Variants in D2HGDH observed in about 807,000 individuals in gnomAD.
D2HGDH encodes D-2-hydroxyglutarate dehydrogenase, mitochondrial.
Under a neutral mutation model 46.9 loss-of-function variants are expected in D2HGDH, and 31 were observed. The observed-to-expected ratio is 0.66, with a 90% CI of 0.50 to 0.89. The LOEUF (loss-of-function observed/expected upper bound fraction) is 0.89, where lower values mean the gene tolerates loss of function less well. Among genes scored for constraint, D2HGDH ranks in the 40% least tolerant of loss-of-function variants. The probability of loss-of-function intolerance (pLI) is 0.00; values close to 1 mark genes in which losing one functional copy is unlikely to be tolerated. For missense variants in D2HGDH, 698 were observed against 720.8 expected (o/e 0.97, Z 0.36); for synonymous variants, 364 against 332.6 (o/e 1.09, Z -1.03).
In D2HGDH at chr2:241,743,698, G is replaced by A. The variant is rs140447217; in HGVS notation, c.567G>A (p.Pro189=). The A allele has an allele frequency of 8.0e-5, 129 of 1,613,944 alleles. No homozygotes were observed. Among genetic ancestry groups the A allele is most frequent in the South Asian group, 4.9e-4 (45 of 91,032 alleles). The change falls in exon 5 of 10, where the codon CCG becomes CCA. Residue 189 remains proline, a synonymous_variant. Transcript: ENST00000321264. This position sits in a 1 kb window ranked among gnomAD's most constrained non-coding sequence, Gnocchi z 4.8. ...TGGAGGAACGGGACTTCATCATGCC[G>A]CTGGACTTAGGAGCCAAGGGCAGCT... is the stretch of plus-strand genomic sequence containing the variant. The part of the protein sequence containing the change: ...RYVEERDFIM[P]LDLGAKGSCH...
chr2:241,735,061 C>G, intron 1 of D2HGDH, 72 bp from the exon 2 acceptor site: 4 of 797,374 alleles, frequency 5.0e-6, no homozygotes, highest in Non-Finnish European at 1.8e-6. Flanking sequence ...CCTGCCCCCT[C>G]CCTGCTTCTG....
At chr2:241,759,197 AC>A (rs1698507346) in intron 9 of D2HGDH, among the ~76,000 whole-genome samples, 1 of 152,142 alleles carries the variant, frequency 6.6e-6, no homozygotes, top group Non-Finnish European at 1.5e-5. Context: ...CAGTGTTTGT[AC>A]AGATCCATCA....
Position 241,755,926 on chromosome 2 carries a change from C to T in D2HGDH, c.1218C>T (p.Leu406=), listed in dbSNP as rs757000676. ...DGYVYKYDLS[L]PVERLYDIVT... is the part of the protein sequence containing the mutation. ...ACGTGTACAAGTACGACCTCTCCCT[C>T]CCTGTGGAGCGGCTCTACGACATCG... Residue 406 remains leucine (L), a synonymous_variant, in exon 9 of 10, where the codon CTC becomes CTT. Coordinates refer to ENST00000321264, the MANE Select transcript of D2HGDH (RefSeq NM_152783.5). The T allele has an allele frequency of 1.9e-6, 3 of 1,612,736 alleles. No homozygotes were observed. The highest frequency in any genetic ancestry group is 2.5e-6 in the Non-Finnish European group (3 of 1,179,384).
intron 2 of D2HGDH, among the ~76,000 whole-genome samples, chr2:241,739,077 C>T (rs113484019): frequency 1.1e-3 from 171 of 152,358 alleles, no homozygotes; most frequent in African/African-American, 3.8e-3. Context: ...GGCTGGGCCC[C>T]TGTGTCACCT....
At position 241,742,419 on chromosome 2, in the gene D2HGDH, C is replaced by T; in HGVS notation, c.351-16C>T. 3 of 1,603,064 alleles carry T rather than the reference C, an allele frequency of 1.9e-6. No homozygotes were observed. The highest frequency in any genetic ancestry group is 2.6e-6 in the Non-Finnish European group (3 of 1,174,564). ...GTGGGGACAGAGCCCCAACGTCCCT[C>T]CTGTCCTCATCCCAGGCACTGCCAC... is the stretch of plus-strand genomic sequence containing the variant. On this transcript the variant is annotated splice_polypyrimidine_tract_variant and intron_variant, in intron 3 of 9. Transcript: ENST00000321264. The surrounding 1 kb of genome is among the most constrained non-coding windows in gnomAD (Gnocchi z 4.8).
At chr2:241,735,052 C>T (rs1692377128) in intron 1 of D2HGDH, 81 bp from the exon 2 acceptor site, 2 of 743,536 alleles carry the variant, frequency 2.7e-6, no homozygotes, top group Non-Finnish European at 4.0e-6. Context: ...CGCTGCCCTC[C>T]TGCCCCCTCC....
Position 241,742,303 on chromosome 2 carries a change from C to A in D2HGDH, c.351-132C>A. The A allele has an allele frequency of 1.6e-6, 2 of 1,234,468 alleles. No individual in the cohort carries two copies. Among genetic ancestry groups the A allele is most frequent in the South Asian group, 1.5e-5 (1 of 66,316 alleles). The allele number at this position is 1,234,468 out of a possible 1,614,324, so 76.5% of individuals were successfully genotyped here. Reference sequence around the variant, plus strand: ...CTCACATGCGTGGGCTGGGGAGGAGCCCCCGCTGAGGCTGCAGGCAGGGCA... The same window carrying A: ...CTCACATGCGTGGGCTGGGGAGGAGACCCCGCTGAGGCTGCAGGCAGGGCA... On this transcript the variant is annotated intron_variant, in intron 3 of 9. Transcript: ENST00000321264. The surrounding 1 kb of genome is among the most constrained non-coding windows in gnomAD (Gnocchi z 4.8).
rs375720367 is a variant in D2HGDH at position 241,735,317 on chromosome 2, G to T, written c.93G>T (p.Leu31=). ...CTTGGGGTCGGCCGGTTGGCCCCCTGGCCCGCAGAGGCTGCTGCTCCGCCC... is the reference window on the plus strand; with the variant it reads ...CTTGGGGTCGGCCGGTTGGCCCCCTTGCCCGCAGAGGCTGCTGCTCCGCCC... ...AGSWGRPVGP[L]ARRGCCSAPG... Residue 31 remains leucine, a synonymous_variant, in exon 2 of 10, where the codon CTG becomes CTT. Coordinates refer to ENST00000321264, the MANE Select transcript of D2HGDH (RefSeq NM_152783.5). 130 of 1,538,860 alleles carry T rather than the reference G, an allele frequency of 8.4e-5. 1 individual carries two copies. The East Asian group carries it at 2.5e-3, about 29-fold the overall frequency.
At chr2:241,735,911 C>T (rs1488720565) in intron 2 of D2HGDH, 1 of 245,124 alleles carries the variant, frequency 4.1e-6, no homozygotes, top group Admixed American at 5.3e-5. Context: ...TACAGGCGCC[C>T]GCCACCACGT....
chr2:241,735,881 G>A (rs947190905), intron 2 of D2HGDH: 4 of 308,214 alleles, frequency 1.3e-5, no homozygotes, highest in Non-Finnish European at 1.2e-5. Flanking sequence ...GCCTGCCTCA[G>A]CCTCCCTAGT....
In D2HGDH at chr2:241,741,055, G is replaced by T; in HGVS notation, c.315G>T (p.Arg105Ser). The T allele has an allele frequency of 6.2e-7, 1 of 1,614,086 alleles. No homozygotes were observed. Residue 105 changes from arginine (R) to serine (S), a missense_variant, in exon 3 of 10, where the codon AGG (arginine) becomes AGT (serine). Arg to Ser is a moderately radical substitution (Grantham distance 110, BLOSUM62 -1). Transcript: ENST00000321264. ...TLRGCSKVLL[R>S]PRTSEEVSHI... ...CAGGCTGTAGCAAGGTGCTGCTGAG[G>T]CCACGGACGTCGGAGGAGGTGTCCC...
rs1694840074 is a variant in D2HGDH at position 241,742,806 on chromosome 2, T to C, written c.490+232T>C. ...CTGGTCCCTTCCGACTCCATCCCGC[T>C]CTAGAGGTGTGTGAGGTGCAGAGTG... On this transcript the variant is annotated intron_variant, in intron 4 of 9. Coordinates refer to ENST00000321264, the MANE Select transcript of D2HGDH (RefSeq NM_152783.5). This position sits in a 1 kb window ranked among gnomAD's most constrained non-coding sequence, Gnocchi z 4.8. Among the ~76,000 whole-genome samples, 1 of 152,188 alleles carries C rather than the reference T, an allele frequency of 6.6e-6. No homozygotes were observed. The highest frequency in any genetic ancestry group is 2.4e-5 in the African/African-American group (1 of 41,440).
chr2:241,749,624 C>T (rs546291629), intron 6 of D2HGDH: 149 of 318,786 alleles, frequency 4.7e-4, no homozygotes, highest in African/African-American at 3.0e-3. Flanking sequence ...CAGCCATTCC[C>T]AAAGGCTGCC....
In D2HGDH at chr2:241,753,133, A is replaced by T. The variant is rs151072543; in HGVS notation, c.1140+1745A>T. Among the ~76,000 whole-genome samples, 768 of 152,306 alleles carry T rather than the reference A, an allele frequency of 5.0e-3. 29 individuals are homozygous for T. The highest frequency in any genetic ancestry group is 0.04 in the Admixed American group (609 of 15,296). On this transcript the variant is annotated intron_variant, in intron 8 of 9. Coordinates refer to ENST00000321264, the MANE Select transcript of D2HGDH (RefSeq NM_152783.5). ...AGACGCTTCCTGGGACGGGTTCAGG[A>T]GACGCCTTGTGTGTCTGTCACCTCG...
At chr2:241,744,276 C>T (rs890893626) in intron 5 of D2HGDH, among the ~76,000 whole-genome samples, 10 of 152,274 alleles carry the variant, frequency 6.6e-5, no homozygotes, top group Non-Finnish European at 1.5e-4. Flanking sequence ...TGCTTTGGTG[C>T]CATCCAGTAA....
chr2:241,751,240 T>C lies in D2HGDH; in HGVS notation c.998-6T>C, dbSNP rs773349634. The stretch of plus-strand genomic sequence containing the variant: ...TGCTCACTCTGCCTTCCTTGCTCAC[T>C]TCTAGAGAGTCCGTTTTACGTCCTC... On this transcript the variant is annotated splice_region_variant and splice_polypyrimidine_tract_variant and intron_variant, in intron 7 of 9. Coordinates refer to ENST00000321264, the MANE Select transcript of D2HGDH (RefSeq NM_152783.5). 11 of 1,614,004 alleles carry C rather than the reference T, an allele frequency of 6.8e-6. No individual in the cohort carries two copies. Among genetic ancestry groups the C allele is most frequent in the Non-Finnish European group, 9.3e-6 (11 of 1,180,006 alleles).
At chr2:241,762,689 G>T (rs1448044713) in intron 9 of D2HGDH, among the ~76,000 whole-genome samples, 4 of 152,180 alleles carry the variant, frequency 2.6e-5, no homozygotes, top group Non-Finnish European at 4.4e-5. Context: ...AGTGTCTCCA[G>T]CTTGGCGTTC....
At chr2:241,740,629 CCCT>C (rs1559350360) in intron 2 of D2HGDH, among the ~76,000 whole-genome samples, 1 of 152,186 alleles carries the variant, frequency 6.6e-6, no homozygotes, top group Non-Finnish European at 1.5e-5. Flanking sequence ...AGATGATTCT[CCCT>C]CCTCAGCTTC....
At chr2:241,749,881 G>A (rs1233419376) in intron 6 of D2HGDH, 1 of 505,404 alleles carries the variant, frequency 2.0e-6, no homozygotes, top group African/African-American at 1.9e-5. Flanking sequence ...TGCTGGTGGT[G>A]ACACCAGGCG....
Sources: gnomAD v4.1 joint callset for allele counts (sites outside exome capture counted in the v4.1 genomes callset) on GRCh38, gnomAD v4.1.1 for gene constraint, Gnocchi (gnomAD v3.1) non-coding constraint, MANE v1.5 for transcripts, NCBI Gene and HGNC (gene_info 2026-07-23, HGNC 2026-07-21) for gene names.